The following ADGRL2 variants were observed in gnomAD, a reference collection of about 807,000 sequenced individuals.
The protein encoded by ADGRL2 is adhesion G protein-coupled receptor L2, also known as calcium-independent alpha-latrotoxin receptor 2.
ADGRL2 carries 44 observed loss-of-function variants against 157.4 expected under a neutral mutation model. That is an observed-to-expected ratio of 0.28 (90% CI 0.22 to 0.36). The LOEUF is 0.36. Ranked by LOEUF, ADGRL2 falls within the 10% of genes least tolerant of loss-of-function variation. The pLI is 1.00. For synonymous variants in ADGRL2, 585 were observed against 624.7 expected (o/e 0.94, Z 0.95); for missense variants, 1,510 against 1,768.9 (o/e 0.85, Z 2.63).
intron 2 of ADGRL2, among the ~76,000 whole-genome samples, chr1:81,865,386 G>A (rs998259145): frequency 2.0e-5 from 3 of 152,070 alleles, no homozygotes; most frequent in Admixed American, 6.6e-5. Flanking sequence ...TCACTACATC[G>A]AAGCTATTTT....
chr1:81,651,069 C>G (rs2148839520), intron 3 of ADGRL2, among the ~76,000 whole-genome samples: 1 of 152,206 alleles, frequency 6.6e-6, no homozygotes, highest in Non-Finnish European at 1.5e-5. Flanking sequence ...AAAATCCAAG[C>G]TGTGTGGAGT....
At chr1:81,886,086 A>G (rs2094122439) in intron 2 of ADGRL2, among the ~76,000 whole-genome samples, 1 of 152,154 alleles carries the variant, frequency 6.6e-6, no homozygotes, top group Non-Finnish European at 1.5e-5. Flanking sequence ...TTTTTGTTGA[A>G]AGCAGCTTTA....
intron 2 of ADGRL2, among the ~76,000 whole-genome samples, chr1:81,838,598 C>G (rs1565602): frequency 0.28 from 42,924 of 151,796 alleles, 6,664 homozygotes; most frequent in Middle Eastern, 0.5. Context: ...GGGAAGAAAA[C>G]CTAACTGAAT....
At chr1:81,979,518 G>A (rs1345898156) in intron 17 of ADGRL2, among the ~76,000 whole-genome samples, 2 of 151,738 alleles carry the variant, frequency 1.3e-5, no homozygotes, top group Non-Finnish European at 3.0e-5. Context: ...ATTACATGAT[G>A]TACATTATGT....
intron 1 of ADGRL2, among the ~76,000 whole-genome samples, chr1:81,747,119 G>GTGTATATA (rs1010276164): frequency 7.8e-6 from 1 of 127,588 alleles, no homozygotes; most frequent in South Asian, 2.5e-4. Context: ...GTGTATATAT[G>GTGTATATA]TGTATATATG....
chr1:81,875,369 A>G (rs2093811823), intron 2 of ADGRL2, among the ~76,000 whole-genome samples: 2 of 152,184 alleles, frequency 1.3e-5, no homozygotes, highest in South Asian at 4.1e-4. Context: ...ATAGGAAAAT[A>G]AAGATCTATT....
At chr1:81,711,843 C>A (rs1335603247) in intron 1 of ADGRL2, among the ~76,000 whole-genome samples, 1 of 152,168 alleles carries the variant, frequency 6.6e-6, no homozygotes, top group South Asian at 2.1e-4. Context: ...CTGCTGACTT[C>A]ACTTTGGGAA....
intron 2 of ADGRL2, among the ~76,000 whole-genome samples, chr1:81,454,519 T>C (rs1478470055): frequency 6.6e-6 from 1 of 152,146 alleles, no homozygotes; most frequent in East Asian, 1.9e-4. Flanking sequence ...CTTACAGAAA[T>C]ACTAGAGGGC....
At chr1:81,629,189 T>C (rs948923204) in intron 3 of ADGRL2, among the ~76,000 whole-genome samples, 5 of 152,190 alleles carry the variant, frequency 3.3e-5, no homozygotes, top group Admixed American at 1.3e-4. Flanking sequence ...ATGAAAAGGG[T>C]ATTTTGAAAA....
intron 2 of ADGRL2, among the ~76,000 whole-genome samples, chr1:81,521,959 T>C (rs537207388): frequency 3.6e-4 from 53 of 147,318 alleles, no homozygotes; most frequent in Non-Finnish European, 6.9e-4. Context: ...ATAATAAATG[T>C]ACTTTTTGTT....
intron 3 of ADGRL2, chr1:81,581,116 T>C (rs1038126852): frequency 6.6e-6 from 1 of 152,214 alleles, no homozygotes; most frequent in African/African-American, 2.4e-5. Flanking sequence ...GAAAAATGCC[T>C]TTTTATTCTG....
intron 2 of ADGRL2, among the ~76,000 whole-genome samples, chr1:81,776,488 G>GGCC (rs1416257146): frequency 6.6e-6 from 1 of 152,136 alleles, no homozygotes; most frequent in African/African-American, 2.4e-5. Context: ...CGCCTGGCCA[G>GGCC]TAAGATTTTT....
At chr1:81,754,597 TTC>T (rs2085615926) in intron 1 of ADGRL2, among the ~76,000 whole-genome samples, 1 of 149,768 alleles carries the variant, frequency 6.7e-6, no homozygotes, top group Admixed American at 6.7e-5. Flanking sequence ...TTCTTTTCTT[TTC>T]TTTCTCCCTT....
chr1:81,960,001 T>C (rs1654817573), intron 11 of ADGRL2, among the ~76,000 whole-genome samples: 1 of 152,102 alleles, frequency 6.6e-6, no homozygotes, highest in Non-Finnish European at 1.5e-5. Flanking sequence ...GATTTCACCA[T>C]GTTGGTCAGG....
intron 1 of ADGRL2, among the ~76,000 whole-genome samples, chr1:81,390,427 G>A (rs1292180280): frequency 1.3e-5 from 2 of 152,304 alleles, no homozygotes; most frequent in African/African-American, 4.8e-5. Flanking sequence ...TAACATATTG[G>A]TATTAAGGTG....
At chr1:81,556,939 C>T (rs1406282561) in intron 2 of ADGRL2, among the ~76,000 whole-genome samples, 2 of 149,278 alleles carry the variant, frequency 1.3e-5, no homozygotes, top group Non-Finnish European at 3.0e-5. Context: ...ATTAGCCAGG[C>T]GTGGTGTCGT....
chr1:81,860,084 C>A (rs975811113), intron 2 of ADGRL2, among the ~76,000 whole-genome samples: 2 of 151,776 alleles, frequency 1.3e-5, no homozygotes, highest in Non-Finnish European at 2.9e-5. Context: ...ATTAGCTGGG[C>A]GTAATGGCAG....
intron 1 of ADGRL2, among the ~76,000 whole-genome samples, chr1:81,375,265 A>G (rs2076230054): frequency 1.3e-5 from 2 of 152,222 alleles, no homozygotes; most frequent in African/African-American, 2.4e-5. Context: ...AGGTATCAGT[A>G]TAGCCCAAAA....
At chr1:81,730,646 C>G (rs1237248633) in intron 1 of ADGRL2, among the ~76,000 whole-genome samples, 1 of 151,902 alleles carries the variant, frequency 6.6e-6, no homozygotes, top group Non-Finnish European at 1.5e-5. Context: ...TTGCTTGAAC[C>G]TGGGAGGCAG....
Sources: gnomAD v4.1 joint callset for allele counts (sites outside exome capture counted in the v4.1 genomes callset) on GRCh38, gnomAD v4.1.1 for gene constraint, MANE v1.5 for transcripts, NCBI Gene and HGNC (gene_info 2026-07-23, HGNC 2026-07-21) for gene names.